Variants in GLI3 observed in about 807,000 individuals in gnomAD.
GLI3 encodes transcription activator GLI3.
In GLI3, 20 loss-of-function variants were observed where a neutral mutation model predicts 100.8. The observed-to-expected ratio is 0.20, with a 90% CI of 0.14 to 0.29. GLI3 has a LOEUF of 0.29. Among genes scored for constraint, GLI3 ranks in the 10% least tolerant of loss-of-function variants. GLI3 has a pLI of 1.00. For synonymous variants in GLI3, 938 were observed against 860.5 expected, an observed-to-expected ratio of 1.09 and a Z score of -1.58; for missense variants, 2,040 against 2,128.5, an observed-to-expected ratio of 0.96 and a Z score of 0.82.
intron 3 of GLI3, among the ~76,000 whole-genome samples, chr7:42,143,168 G>A (rs909048366): frequency 4.6e-5 from 7 of 152,148 alleles, no homozygotes; most frequent in Non-Finnish European, 1.0e-4. Flanking sequence ...TAACAGCCTA[G>A]GAAGCAAGAG....
chr7:42,036,769 T>A (rs1789451715), intron 7 of GLI3, among the ~76,000 whole-genome samples: 1 of 152,168 alleles, frequency 6.6e-6, no homozygotes, highest in Non-Finnish European at 1.5e-5. Context: ...AGCAGGAAAC[T>A]GGAGTGCTAG....
intron 1 of GLI3, among the ~76,000 whole-genome samples, chr7:42,231,881 C>T (rs1233752054): frequency 1.3e-5 from 2 of 148,312 alleles, no homozygotes; most frequent in Admixed American, 6.6e-5. Flanking sequence ...CCTTCCTAGG[C>T]ATTTCATGCA....
chr7:42,214,249 C>T (rs1231273204), intron 2 of GLI3, among the ~76,000 whole-genome samples: 1 of 152,264 alleles, frequency 6.6e-6, no homozygotes, highest in East Asian at 1.9e-4. Flanking sequence ...TCTGGTCCAC[C>T]TGCCTGGCGA....
chr7:42,080,909 TTTA>T (rs1456712813), intron 3 of GLI3, among the ~76,000 whole-genome samples: 5 of 152,096 alleles, frequency 3.3e-5, no homozygotes, highest in Non-Finnish European at 7.4e-5. Context: ...CAGCTCGCAG[TTTA>T]TTATTTACAC....
chr7:41,993,448 G>T (rs1308173917), intron 10 of GLI3, among the ~76,000 whole-genome samples: 1 of 152,136 alleles, frequency 6.6e-6, no homozygotes, highest in East Asian at 1.9e-4. Flanking sequence ...CCCCATCCTT[G>T]AACTCTCCAA....
rs1204388446 is a variant in GLI3 at position 42,236,477 on chromosome 7, A to AGCCCCAGCGGCGGCG, written c.-43+479_-43+493dup. On this transcript the variant is annotated intron_variant, in intron 1 of 14. Coordinates refer to ENST00000395925, the MANE Select transcript of GLI3 (RefSeq NM_000168.6). Reference sequence around the variant, plus strand: ...TCCGAAGCATAGCCCGGGCTGGAGAAGCCCCAGCGGCGGCGGCCCCCGCGG... The same window carrying AGCCCCAGCGGCGGCG: ...TCCGAAGCATAGCCCGGGCTGGAGAAGCCCCAGCGGCGGCGGCCCCAGCGGCGGCGGCCCCCGCGG... Among the ~76,000 whole-genome samples, 192 of 152,232 alleles carry AGCCCCAGCGGCGGCG rather than the reference A, an allele frequency of 1.3e-3. 4 individuals carry two copies. The highest frequency in any genetic ancestry group is 0.01 in the Admixed American group (153 of 15,298).
At chr7:42,202,153 T>C (rs942702691) in intron 2 of GLI3, among the ~76,000 whole-genome samples, 5 of 151,870 alleles carry the variant, frequency 3.3e-5, no homozygotes, top group Admixed American at 6.6e-5. Context: ...CCATTGTTGA[T>C]CCATCATCTT....
intron 1 of GLI3, among the ~76,000 whole-genome samples, chr7:42,233,169 G>A (rs1788727529): frequency 6.6e-6 from 1 of 151,996 alleles, no homozygotes; most frequent in South Asian, 2.1e-4. Context: ...AATAATTATG[G>A]CAATTTTTAA....
chr7:42,165,080 GC>G (rs1787213304), intron 2 of GLI3, among the ~76,000 whole-genome samples: 1 of 151,252 alleles, frequency 6.6e-6, no homozygotes, highest in Non-Finnish European at 1.5e-5. Context: ...TTCTAGACCA[GC>G]CTGGCCAACA....
At chr7:42,056,064 G>A (rs777121345) in intron 4 of GLI3, among the ~76,000 whole-genome samples, 61 of 152,284 alleles carry the variant, frequency 4.0e-4, no homozygotes, top group Admixed American at 8.5e-4. Flanking sequence ...GCCACCATGT[G>A]AGAAGTGCCT....
intron 2 of GLI3, among the ~76,000 whole-genome samples, chr7:42,179,329 C>T (rs1013436461): frequency 2.6e-5 from 4 of 151,818 alleles, no homozygotes; most frequent in Admixed American, 6.6e-5. Flanking sequence ...GTATTGGCAG[C>T]GTGAAAACAG....
chr7:41,963,159 T>C lies in GLI3; in HGVS notation c.*1171A>G, dbSNP rs1245725313. On this transcript the variant is annotated 3_prime_UTR_variant, in exon 15 of 15. Transcript: ENST00000395925. The stretch of plus-strand genomic sequence containing the variant: ...CCCTAGTGCTCTCAAATACTAAAAA[T>C]GGCTGAAGCAATTTATTCCCACTAT... 1.3e-5 allele frequency: 2 copies of C among 152,220 alleles called. No individual in the cohort carries two copies. The highest frequency in any genetic ancestry group is 4.8e-5 in the African/African-American group (2 of 41,452). 9.4% of individuals were successfully genotyped at this position (152,220 alleles called of 1,614,324 possible).
chr7:42,090,940 C>T (rs186604450), intron 3 of GLI3, among the ~76,000 whole-genome samples: 6 of 152,324 alleles, frequency 3.9e-5, no homozygotes, highest in Admixed American at 2.0e-4. Context: ...GTTAAAGTCG[C>T]TCAGTTAGGA....
intron 7 of GLI3, among the ~76,000 whole-genome samples, chr7:42,031,875 T>C (rs80257608): frequency 0.062 from 9,494 of 152,216 alleles, 426 homozygotes; most frequent in Non-Finnish European, 0.097. Flanking sequence ...TTTTTTCTAT[T>C]TTACGAAGAC....
intron 7 of GLI3, among the ~76,000 whole-genome samples, chr7:42,039,249 T>G (rs1784081251): frequency 6.6e-6 from 1 of 152,214 alleles, no homozygotes; most frequent in South Asian, 2.1e-4. Context: ...TTGGCTTACT[T>G]TTATTCCCTA....
chr7:41,966,700 C>G lies in GLI3; in HGVS notation c.2432-59G>C. The G allele has an allele frequency of 1.3e-6, 2 of 1,572,244 alleles. No individual in the cohort carries two copies. The highest frequency in any genetic ancestry group is 1.1e-5 in the South Asian group (1 of 89,964). On this transcript the variant is annotated intron_variant, in intron 14 of 14. Transcript: ENST00000395925. The surrounding 1 kb of genome is among the most constrained non-coding windows in gnomAD (Gnocchi z 5.8). ...ATGAATTCCCTTCGAGCATGACTTA[C>G]ACCAGGCATGAGCAACCCTTTTCTG...
chr7:42,060,533 T>C (rs188044616), intron 4 of GLI3, among the ~76,000 whole-genome samples: 244 of 152,294 alleles, frequency 1.6e-3, no homozygotes, highest in African/African-American at 5.0e-3. Flanking sequence ...ACTTTTGTCT[T>C]TAGAGATAGA....
At chr7:42,150,763 T>C (rs1583601353) in intron 2 of GLI3, among the ~76,000 whole-genome samples, 1 of 152,214 alleles carries the variant, frequency 6.6e-6, no homozygotes, top group Admixed American at 6.5e-5. Context: ...GGCATCCCTA[T>C]AATAAACCCT....
At chr7:42,202,376 ACACACACT>A (rs1458643002) in intron 2 of GLI3, among the ~76,000 whole-genome samples, 14 of 145,774 alleles carry the variant, frequency 9.6e-5, no homozygotes, top group East Asian at 4.2e-4. Context: ...ACACACACAC[ACACACACT>A]CACACACACA....
Sources: gnomAD v4.1 joint callset for allele counts (sites outside exome capture counted in the v4.1 genomes callset) on GRCh38, gnomAD v4.1.1 for gene constraint, Gnocchi (gnomAD v3.1) non-coding constraint, MANE v1.5 for transcripts, NCBI Gene and HGNC (gene_info 2026-07-23, HGNC 2026-07-21) for gene names.